Variants in MMP26 observed in about 807,000 individuals in gnomAD.
MMP26 encodes matrix metalloproteinase-26.
In MMP26, 33 loss-of-function variants were observed where a neutral mutation model predicts 31.0. That is an observed-to-expected ratio of 1.06 (90% confidence interval 0.81 to 1.42). The LOEUF (loss-of-function observed/expected upper bound fraction) is 1.42. Among genes scored for constraint, MMP26 ranks in the 40% most tolerant of loss-of-function variants. The probability of loss-of-function intolerance (pLI) is 0.00; values close to 1 mark genes in which losing one functional copy is unlikely to be tolerated. For synonymous variants in MMP26, 122 were observed against 114.9 expected (o/e 1.06, Z -0.40); for missense variants, 347 against 316.1 (o/e 1.10, Z -0.74).
chr11:4,722,713 T>A (rs1254910800), intron 1 of MMP26: 2 of 793,614 alleles, frequency 2.5e-6, no homozygotes, highest in Non-Finnish European at 4.3e-6. Flanking sequence ...AGGGGCAGGC[T>A]GGGAGGGGCT....
chr11:4,797,374 C>T (rs1251219569), intron 2 of MMP26, among the ~76,000 whole-genome samples: 5 of 152,310 alleles, frequency 3.3e-5, no homozygotes, highest in African/African-American at 9.6e-5. Context: ...TATGTTACCA[C>T]TTGTTAGGCT....
chr11:4,777,792 T>C (rs867091101), intron 2 of MMP26, among the ~76,000 whole-genome samples: 5 of 152,236 alleles, frequency 3.3e-5, no homozygotes, highest in Non-Finnish European at 7.4e-5. Context: ...TTTTATTGCC[T>C]TGTAATGTTC....
chr11:4,927,749 G>T (rs1441796677), intron 2 of MMP26, among the ~76,000 whole-genome samples: 1 of 152,106 alleles, frequency 6.6e-6, no homozygotes, highest in Non-Finnish European at 1.5e-5. Flanking sequence ...TTTTTGAAGA[G>T]CCCAAAAGCT....
intron 2 of MMP26, chr11:4,946,666 T>C: frequency 6.3e-7 from 1 of 1,592,028 alleles, no homozygotes; most frequent in Non-Finnish European, 8.6e-7. Flanking sequence ...CTATCCCTAT[T>C]TGGGCAACTC....
chr11:4,922,706 C>G (rs1851202784), intron 2 of MMP26, among the ~76,000 whole-genome samples: 1 of 152,160 alleles, frequency 6.6e-6, no homozygotes, highest in Admixed American at 6.5e-5. Flanking sequence ...GAAATCAAGG[C>G]TTTTCCCCAG....
chr11:4,957,230 G>C (rs777548492), intron 2 of MMP26, among the ~76,000 whole-genome samples: 2 of 152,136 alleles, frequency 1.3e-5, no homozygotes, highest in Non-Finnish European at 2.9e-5. Flanking sequence ...CCTGCCTGCT[G>C]TTTCATACTG....
intron 1 of MMP26, among the ~76,000 whole-genome samples, chr11:4,724,496 A>G (rs951775149): frequency 6.6e-6 from 1 of 152,320 alleles, no homozygotes; most frequent in Middle Eastern, 3.4e-3. Context: ...ACCTTAGTTT[A>G]CATTAAAAAC....
At chr11:4,716,728 C>T (rs1798601352) in intron 1 of MMP26, among the ~76,000 whole-genome samples, 1 of 126,748 alleles carries the variant, frequency 7.9e-6, no homozygotes, top group African/African-American at 3.1e-5. Flanking sequence ...ATGGTGCGAT[C>T]TCAGCTCATT....
chr11:4,872,626 C>T (rs1347140723), intron 2 of MMP26, among the ~76,000 whole-genome samples: 1 of 152,016 alleles, frequency 6.6e-6, no homozygotes, highest in Non-Finnish European at 1.5e-5. Context: ...TTTTACTCAG[C>T]AGCTCAGATC....
At position 4,951,780 on chromosome 11, in the gene MMP26, A is replaced by G. The variant is rs553517272; in HGVS notation, c.-144-36288A>G. 2.3e-4 allele frequency among the ~76,000 whole-genome samples: 29 copies of G among 123,884 alleles called. 7 individuals carry two copies. Among genetic ancestry groups the G allele is most frequent in the South Asian group, 7.3e-4 (3 of 4,132 alleles). The allele number at this position is 123,884 out of a possible 152,430, so 81.3% of individuals were successfully genotyped here. A position where few individuals can be genotyped will look rare whatever the true frequency, so the allele number is the denominator to read the frequency against. On this transcript the variant is annotated intron_variant, in intron 2 of 7. Transcript: ENST00000380390. ...TAGAATATTAAGGAAGCTATTAAAC[A>G]TTTTTCTTTTAAGTGGATCTGAGAG...
chr11:4,912,440 T>G (rs528717816), intron 2 of MMP26: 1 of 152,320 alleles, frequency 6.6e-6, no homozygotes, highest in South Asian at 2.1e-4. Context: ...AGAATCCAGC[T>G]GTGAAGCTGT....
At position 4,804,271 on chromosome 11, in the gene MMP26, G is replaced by A. The variant is rs766625322; in HGVS notation, c.-145+36930G>A. The A allele has an allele frequency of 2.6e-5, 42 of 1,613,992 alleles. No homozygotes were observed. The highest frequency in any genetic ancestry group is 1.6e-4 in the Middle Eastern group (1 of 6,062). The stretch of plus-strand genomic sequence containing the variant: ...ATTTCCAACAACAGCCACAGCATAC[G>A]TGGCACAGAACGGAAAGGCAATCCA... On this transcript the variant is annotated intron_variant, in intron 2 of 7. Transcript: ENST00000380390.
intron 1 of MMP26, among the ~76,000 whole-genome samples, chr11:4,725,893 A>G (rs983245859): frequency 4.6e-5 from 7 of 152,156 alleles, no homozygotes; most frequent in African/African-American, 1.2e-4. Flanking sequence ...TGTCCTGTGG[A>G]CCAGAAGTAC....
chr11:4,930,925 A>G (rs1011843646), intron 2 of MMP26, among the ~76,000 whole-genome samples: 3 of 152,060 alleles, frequency 2.0e-5, no homozygotes, highest in Admixed American at 6.6e-5. Flanking sequence ...GTTAATTTTA[A>G]ATCATTTTAA....
intron 2 of MMP26, among the ~76,000 whole-genome samples, chr11:4,811,967 T>G (rs1849355235): frequency 6.6e-6 from 1 of 152,182 alleles, no homozygotes; most frequent in African/African-American, 2.4e-5. Context: ...CACTGAGGAC[T>G]CTAAATGTGG....
chr11:4,735,461 T>C (rs957431676), intron 1 of MMP26, among the ~76,000 whole-genome samples: 1 of 152,180 alleles, frequency 6.6e-6, no homozygotes, highest in African/African-American at 2.4e-5. Flanking sequence ...ATTATAGAAA[T>C]GGATCTCTCC....
At chr11:4,749,960 C>T (rs1848427900) in intron 1 of MMP26, among the ~76,000 whole-genome samples, 1 of 152,010 alleles carries the variant, frequency 6.6e-6, no homozygotes. Flanking sequence ...AGCTTCTGCC[C>T]AGCAAAAGAA....
At chr11:4,800,543 G>T (rs1849166963) in intron 2 of MMP26, among the ~76,000 whole-genome samples, 1 of 152,152 alleles carries the variant, frequency 6.6e-6, no homozygotes, top group Non-Finnish European at 1.5e-5. Context: ...ACTCTGAAAT[G>T]CCTTCAAGAC....
At chr11:4,769,917 T>C in intron 2 of MMP26, 1 of 1,557,696 alleles carries the variant, frequency 6.4e-7, no homozygotes, top group Non-Finnish European at 8.9e-7. Flanking sequence ...AGGATTTCCA[T>C]GGTGTCCTGG....
Sources: gnomAD v4.1 joint callset for allele counts (sites outside exome capture counted in the v4.1 genomes callset) on GRCh38, gnomAD v4.1.1 for gene constraint, MANE v1.5 for transcripts, NCBI Gene and HGNC (gene_info 2026-07-23, HGNC 2026-07-21) for gene names.